The following ADAMTSL1 variants were observed in gnomAD, a reference collection of about 807,000 sequenced individuals.
ADAMTSL1 encodes ADAMTS-like protein 1.
Under a neutral mutation model 201.8 loss-of-function variants are expected in ADAMTSL1, and 126 were observed. The observed-to-expected ratio is 0.62, with a 90% CI of 0.54 to 0.72. The LOEUF (loss-of-function observed/expected upper bound fraction) is 0.72, where lower values mean the gene tolerates loss of function less well. Among genes scored for constraint, ADAMTSL1 ranks in the 30% least tolerant of loss-of-function variants. ADAMTSL1 has a pLI of 0.00. For synonymous variants in ADAMTSL1, 1,121 were observed against 903.4 expected (o/e 1.24, Z -4.32); for missense variants, 2,679 against 2,277.8 (o/e 1.18, Z -3.59).
Position 18,517,596 on chromosome 9 carries a change from G to A in ADAMTSL1, c.191+12640G>A, listed in dbSNP as rs1307876720. Among the ~76,000 whole-genome samples the A allele has an allele frequency of 8.4e-5, 10 of 119,212 alleles. No homozygotes were observed. In the East Asian group the frequency reaches 1.1e-3, roughly 13 times the overall value. The allele number at this position is 119,212 out of a possible 152,430, so 78.2% of individuals were successfully genotyped here. On this transcript the variant is annotated intron_variant, in intron 2 of 28. Transcript: ENST00000380548. ...CCCCCACACCACCACAGTCCCCAGC[G>A]TGTGATATTCCCCTTCCTGTGTCCA... is the stretch of plus-strand genomic sequence containing the variant.
chr9:18,490,412 G>A (rs1822212287), intron 1 of ADAMTSL1, among the ~76,000 whole-genome samples: 1 of 152,128 alleles, frequency 6.6e-6, no homozygotes, highest in Non-Finnish European at 1.5e-5. Flanking sequence ...AGCAATGTCT[G>A]TATGTTCATC....
intron 2 of ADAMTSL1, among the ~76,000 whole-genome samples, chr9:18,315,611 C>T (rs188726812): frequency 3.2e-4 from 49 of 152,262 alleles, no homozygotes; most frequent in Admixed American, 7.8e-4. Flanking sequence ...CTGCCCGGGC[C>T]GGCCGCTCTG....
chr9:18,197,989 G>C (rs370431903), intron 2 of ADAMTSL1, among the ~76,000 whole-genome samples: 4 of 152,036 alleles, frequency 2.6e-5, no homozygotes, highest in Admixed American at 6.6e-5. Flanking sequence ...ACAAACCTGA[G>C]AAAAACAAGC....
intron 1 of ADAMTSL1, among the ~76,000 whole-genome samples, chr9:18,081,200 C>T (rs1823486049): frequency 6.6e-6 from 1 of 152,164 alleles, no homozygotes; most frequent in Non-Finnish European, 1.5e-5. Context: ...CAGTTACTGT[C>T]TCAAGGTGGA....
At chr9:18,073,925 G>A (rs1823077802) in intron 1 of ADAMTSL1, among the ~76,000 whole-genome samples, 1 of 152,226 alleles carries the variant, frequency 6.6e-6, no homozygotes, top group African/African-American at 2.4e-5. Context: ...ATTTGCTAAA[G>A]GTTGCTTCAC....
rs574174716 is a variant in ADAMTSL1, at chr9:18,735,308, G to C, written c.2006+13643G>C. On this transcript the variant is annotated intron_variant, in intron 15 of 28. Transcript: ENST00000380548. ...GAACTCTTGGGTTAGAATGTTTTGC[G>C]AAGTTTTCTGAGTTCCGTGAAACTA... 3.3e-5 allele frequency among the ~76,000 whole-genome samples: 5 copies of C among 152,306 alleles called. No individual in the cohort carries two copies. In the South Asian group the frequency reaches 8.3e-4, roughly 25 times the overall value.
intron 3 of ADAMTSL1, among the ~76,000 whole-genome samples, chr9:18,538,002 A>AAGAAGG (rs1564028288): frequency 2.0e-5 from 3 of 151,498 alleles, no homozygotes; most frequent in East Asian, 1.9e-4. Context: ...GAAGAAGAAG[A>AAGAAGG]AGGAGGAGGA....
intron 1 of ADAMTSL1, among the ~76,000 whole-genome samples, chr9:18,010,330 A>G (rs943188866): frequency 6.6e-5 from 10 of 152,022 alleles, no homozygotes; most frequent in African/African-American, 2.2e-4. Flanking sequence ...CACAGACATA[A>G]TCACTTACAT....
intron 2 of ADAMTSL1, among the ~76,000 whole-genome samples, chr9:18,505,771 A>G (rs1587401993): frequency 6.6e-6 from 1 of 152,358 alleles, no homozygotes; most frequent in East Asian, 1.9e-4. Flanking sequence ...TGTATATACT[A>G]TATTATAAAA....
chr9:18,631,983 A>G (rs560912789), intron 5 of ADAMTSL1, among the ~76,000 whole-genome samples: 1 of 152,336 alleles, frequency 6.6e-6, no homozygotes, highest in African/African-American at 2.4e-5. Flanking sequence ...AAGCCAGAAT[A>G]GATTAGGGCA....
intron 1 of ADAMTSL1, among the ~76,000 whole-genome samples, chr9:18,147,601 C>T (rs939259169): frequency 2.0e-5 from 3 of 152,136 alleles, no homozygotes; most frequent in Admixed American, 6.6e-5. Context: ...TTATAAGTCT[C>T]ATTTTCACTG....
intron 23 of ADAMTSL1, among the ~76,000 whole-genome samples, chr9:18,886,129 AAT>A (rs1365829622): frequency 7.0e-6 from 1 of 142,502 alleles, no homozygotes. Flanking sequence ...TCTACTTAAA[AAT>A]ATGTATGTGT....
intron 2 of ADAMTSL1, among the ~76,000 whole-genome samples, chr9:18,198,473 G>C (rs1256676304): frequency 6.7e-6 from 1 of 149,870 alleles, no homozygotes; most frequent in Non-Finnish European, 1.5e-5. Context: ...CTTCTCAAAA[G>C]GAGACATTTA....
At chr9:17,953,428 C>G (rs887268948) in intron 1 of ADAMTSL1, among the ~76,000 whole-genome samples, 2 of 152,120 alleles carry the variant, frequency 1.3e-5, no homozygotes, top group African/African-American at 4.8e-5. Flanking sequence ...ACTAGCTTTA[C>G]AAAAGCAAAG....
chr9:18,266,230 G>A (rs771978911), intron 2 of ADAMTSL1, among the ~76,000 whole-genome samples: 1 of 152,154 alleles, frequency 6.6e-6, no homozygotes, highest in Non-Finnish European at 1.5e-5. Flanking sequence ...CTTTGCTGGT[G>A]TAACTTTTTC....
At chr9:18,836,046 G>A (rs1213936305) in intron 23 of ADAMTSL1, among the ~76,000 whole-genome samples, 1 of 152,142 alleles carries the variant, frequency 6.6e-6, no homozygotes, top group Non-Finnish European at 1.5e-5. Context: ...TGGATTGAAT[G>A]ATCGTTGTGT....
In ADAMTSL1 at chr9:18,417,627, T is replaced by C. The variant is rs10963600; in HGVS notation, c.208-87202T>C. On this transcript the variant is annotated intron_variant, in intron 2 of 29. Coordinates refer to the ADAMTSL1 transcript ENST00000680146. The stretch of plus-strand genomic sequence containing the variant: ...AACTCTGCTCATCTAAATTCAACAA[T>C]ATAGATGGACCAATTCCTAGCAAAC... Among the ~76,000 whole-genome samples, 4 of 152,160 alleles carry C rather than the reference T, an allele frequency of 2.6e-5. No homozygotes were observed. In the East Asian group the frequency reaches 5.8e-4, roughly 22 times the overall value.
At chr9:18,426,729 T>C (rs1819238555) in intron 2 of ADAMTSL1, among the ~76,000 whole-genome samples, 1 of 152,198 alleles carries the variant, frequency 6.6e-6, no homozygotes, top group Non-Finnish European at 1.5e-5. Context: ...GTAAGGAAAC[T>C]GAGGCCCAGA....
chr9:18,210,468 A>C (rs1259616810), intron 2 of ADAMTSL1, among the ~76,000 whole-genome samples: 1 of 147,104 alleles, frequency 6.8e-6, no homozygotes, highest in Non-Finnish European at 1.5e-5. Context: ...TATATTAATT[A>C]TATATGATAT....
Sources: gnomAD v4.1 joint callset for allele counts (sites outside exome capture counted in the v4.1 genomes callset) on GRCh38, gnomAD v4.1.1 for gene constraint, MANE v1.5 for transcripts, NCBI Gene and HGNC (gene_info 2026-07-23, HGNC 2026-07-21) for gene names.